Variants in ADGRL3 observed in about 807,000 individuals in gnomAD.
ADGRL3 encodes adhesion G protein-coupled receptor L3, also known as calcium-independent alpha-latrotoxin receptor 3.
ADGRL3 carries 62 observed loss-of-function variants against 153.5 expected under a neutral mutation model. The observed-to-expected ratio is 0.40, with a 90% CI of 0.33 to 0.50. The LOEUF (loss-of-function observed/expected upper bound fraction) is 0.50. Among genes scored for constraint, ADGRL3 ranks in the 20% least tolerant of loss-of-function variants. The pLI, the probability that ADGRL3 is intolerant of heterozygous loss-of-function variation, is 0.47. For missense variants in ADGRL3, 1,641 were observed against 1,859.4 expected, an observed-to-expected ratio of 0.88 and a Z score of 2.16; for synonymous variants, 710 against 672.5, an observed-to-expected ratio of 1.06 and a Z score of -0.86.
chr4:61,935,065 A>T (rs749613705), intron 14 of ADGRL3, 42 bp downstream of exon 14: 7 of 1,554,710 alleles, frequency 4.5e-6, no homozygotes, highest in Non-Finnish European at 6.2e-6. Flanking sequence ...ACACTCTTGT[A>T]TATCAGAAGA....
chr4:61,442,983 G>GTTTAATATA (rs1286475551), intron 2 of ADGRL3, among the ~76,000 whole-genome samples: 1 of 152,086 alleles, frequency 6.6e-6, no homozygotes, highest in Non-Finnish European at 1.5e-5. Context: ...TCTAAGTTAT[G>GTTTAATATA]TTTAATATAA....
At chr4:61,324,183 T>C (rs537582612) in intron 1 of ADGRL3, among the ~76,000 whole-genome samples, 3 of 152,278 alleles carry the variant, frequency 2.0e-5, no homozygotes, top group Non-Finnish European at 2.9e-5. Flanking sequence ...TTGGGAATAA[T>C]GGGAGCTACA....
intron 9 of ADGRL3, among the ~76,000 whole-genome samples, chr4:61,872,321 A>C (rs1415552895): frequency 2.0e-5 from 3 of 152,262 alleles, no homozygotes; most frequent in Admixed American, 1.3e-4. Context: ...TGAGCAGAGA[A>C]ATAAAGTGAT....
rs564095045 is a variant in ADGRL3 at position 61,492,473 on chromosome 4, T to A, written c.-173-4648T>A. On this transcript the variant is annotated intron_variant, in intron 2 of 26. Transcript: ENST00000683033. ...CTAACACATTCCCAGGATAAGCAGT[T>A]TTGAGACTCTAATGTTAACCTCTGT... Among the ~76,000 whole-genome samples, 13 of 152,230 alleles carry A rather than the reference T, an allele frequency of 8.5e-5. No homozygotes were observed. In the East Asian group the frequency reaches 2.5e-3, roughly 29 times the overall value.
At chr4:61,489,210 T>C (rs1448084598) in intron 2 of ADGRL3, among the ~76,000 whole-genome samples, 1 of 151,990 alleles carries the variant, frequency 6.6e-6, no homozygotes, top group East Asian at 1.9e-4. Flanking sequence ...AGTAATCTGC[T>C]TATGTCATAC....
At chr4:62,022,252 ACT>A (rs1339706774) in intron 21 of ADGRL3, among the ~76,000 whole-genome samples, 1 of 152,152 alleles carries the variant, frequency 6.6e-6, no homozygotes, top group Non-Finnish European at 1.5e-5. Flanking sequence ...CAAGGCCCTA[ACT>A]CTCTTCAGTT....
intron 2 of ADGRL3, among the ~76,000 whole-genome samples, chr4:61,402,775 T>C (rs1017713804): frequency 3.9e-5 from 6 of 152,116 alleles, no homozygotes; most frequent in Non-Finnish European, 5.9e-5. Context: ...TCTTTCTTAA[T>C]AAAAATGAAT....
intron 1 of ADGRL3, among the ~76,000 whole-genome samples, chr4:61,232,362 G>A: frequency 6.6e-6 from 1 of 151,298 alleles, no homozygotes; most frequent in Non-Finnish European, 1.5e-5. Flanking sequence ...AGATTGGAGT[G>A]CAATGGTGTG....
chr4:61,614,665 T>A (rs1298222685), intron 5 of ADGRL3, among the ~76,000 whole-genome samples: 1 of 152,162 alleles, frequency 6.6e-6, no homozygotes, highest in African/African-American at 2.4e-5. Context: ...GAGCACTTTT[T>A]TCAGTGTCTT....
At chr4:61,797,984 A>G (rs2097435327) in intron 8 of ADGRL3, among the ~76,000 whole-genome samples, 8 of 152,208 alleles carry the variant, frequency 5.3e-5, no homozygotes, top group Admixed American at 5.2e-4. Context: ...TTAATATGAA[A>G]AGGCATAGCC....
At chr4:61,836,792 G>A (rs1040394373) in intron 9 of ADGRL3, among the ~76,000 whole-genome samples, 16 of 151,930 alleles carry the variant, frequency 1.1e-4, no homozygotes, top group South Asian at 2.1e-4. Flanking sequence ...CATTTATTCC[G>A]TCATGTAAAA....
chr4:61,721,801 G>T (rs2151648969), intron 6 of ADGRL3, among the ~76,000 whole-genome samples: 1 of 152,182 alleles, frequency 6.6e-6, no homozygotes. Context: ...AGCAGATTAG[G>T]TAAGACAAAA....
chr4:61,770,135 C>T lies in ADGRL3; in HGVS notation c.1399+36581C>T, dbSNP rs905668898. On this transcript the variant is annotated intron_variant, in intron 8 of 26. Transcript: ENST00000683033. The stretch of plus-strand genomic sequence containing the variant: ...AGTAAAACGTATTAGTAAAAAATTA[C>T]TGGTTTATCTCCACTTTACATTTGT... 5.3e-5 allele frequency among the ~76,000 whole-genome samples: 8 copies of T among 152,142 alleles called. No individual in the cohort carries two copies. In the South Asian group the frequency reaches 1.7e-3, roughly 32 times the overall value.
intron 8 of ADGRL3, among the ~76,000 whole-genome samples, chr4:61,802,442 G>A (rs1413700105): frequency 1.3e-5 from 2 of 152,034 alleles, no homozygotes; most frequent in Non-Finnish European, 2.9e-5. Flanking sequence ...TTCTGTGATT[G>A]GCTCCTTTTT....
At chr4:61,422,345 A>G (rs2097216744) in intron 2 of ADGRL3, among the ~76,000 whole-genome samples, 1 of 152,218 alleles carries the variant, frequency 6.6e-6, no homozygotes, top group Admixed American at 6.5e-5. Context: ...TTTTCTAAGA[A>G]GTAAACAGTA....
At chr4:62,069,945 G>A (rs1005633597) in intron 26 of ADGRL3, among the ~76,000 whole-genome samples, 164 bp from the exon 27 acceptor site, 1 of 152,034 alleles carries the variant, frequency 6.6e-6, no homozygotes, top group Non-Finnish European at 1.5e-5. Flanking sequence ...CACATATATA[G>A]ATTTAATAGT....
intron 2 of ADGRL3, among the ~76,000 whole-genome samples, chr4:61,496,521 G>A (rs1358968759): frequency 6.6e-6 from 1 of 152,100 alleles, no homozygotes; most frequent in East Asian, 1.9e-4. Flanking sequence ...AAATTAGCTG[G>A]GGTGAAGCTA....
chr4:61,411,585 G>A (rs2152269202), intron 2 of ADGRL3, among the ~76,000 whole-genome samples: 1 of 152,212 alleles, frequency 6.6e-6, no homozygotes, highest in East Asian at 1.9e-4. Flanking sequence ...TCAGCTTCCA[G>A]GTTTGAGTCA....
intron 1 of ADGRL3, among the ~76,000 whole-genome samples, chr4:61,258,802 G>A (rs1185339195): frequency 1.3e-5 from 2 of 152,038 alleles, no homozygotes; most frequent in African/African-American, 4.8e-5. Context: ...TACCTCAACG[G>A]TAATCACTTC....
Sources: allele counts gnomAD v4.1 joint callset (sites outside exome capture counted in the v4.1 genomes callset), GRCh38; gene constraint gnomAD v4.1.1; transcripts MANE v1.5; gene names NCBI Gene and HGNC (gene_info 2026-07-23, HGNC 2026-07-21).